The following AP3B1 variants were observed in gnomAD, a reference collection of about 807,000 sequenced individuals.
The protein encoded by AP3B1 is adaptor related protein complex 3 subunit beta 1.
In AP3B1, 61 loss-of-function variants were observed where a neutral mutation model predicts 132.5. That is an observed-to-expected ratio of 0.46 (90% CI 0.37 to 0.57). AP3B1 has a LOEUF of 0.57. AP3B1 is among the 20% of genes least tolerant of loss of function. The pLI is 0.00. For missense variants in AP3B1, 1,120 were observed against 1,289.4 expected (o/e 0.87, Z 2.01); for synonymous variants, 388 against 438.3 (o/e 0.89, Z 1.43).
intron 21 of AP3B1, among the ~76,000 whole-genome samples, chr5:78,096,231 TC>T (rs1750776852): frequency 6.6e-6 from 1 of 152,220 alleles, no homozygotes; most frequent in African/African-American, 2.4e-5. Flanking sequence ...CGGGCTGATC[TC>T]CAGCTCCTAA....
chr5:78,032,488 C>G (rs1386505207), intron 24 of AP3B1, among the ~76,000 whole-genome samples: 1 of 152,128 alleles, frequency 6.6e-6, no homozygotes, highest in Non-Finnish European at 1.5e-5. Context: ...CAGTGATTGG[C>G]ATCTAAGACC....
chr5:78,280,004 T>C (rs567420228), intron 1 of AP3B1, among the ~76,000 whole-genome samples: 237 of 143,574 alleles, frequency 1.7e-3, no homozygotes, highest in Middle Eastern at 3.9e-3. Flanking sequence ...GACCAGGAGG[T>C]TGAGGCTGCA....
chr5:78,110,129 T>C, intron 20 of AP3B1, 78 bp downstream of exon 20: 1 of 1,240,898 alleles, frequency 8.1e-7, no homozygotes, highest in Non-Finnish European at 1.2e-6. Flanking sequence ...ATCACAGGAG[T>C]AGATGAGGAT....
intron 22 of AP3B1, among the ~76,000 whole-genome samples, chr5:78,077,017 T>G (rs1256852439): frequency 6.6e-6 from 1 of 152,200 alleles, no homozygotes; most frequent in Non-Finnish European, 1.5e-5. Context: ...GGGAAATCCG[T>G]AAAGTTACAG....
intron 20 of AP3B1, among the ~76,000 whole-genome samples, chr5:78,104,509 G>T (rs1751254531): frequency 6.6e-6 from 1 of 152,042 alleles, no homozygotes; most frequent in Non-Finnish European, 1.5e-5. Context: ...GCAAGGCTTT[G>T]CATTATAACA....
chr5:78,070,916 T>C (rs1392852609), intron 22 of AP3B1, among the ~76,000 whole-genome samples: 1 of 152,182 alleles, frequency 6.6e-6, no homozygotes. Context: ...CGACAGATGC[T>C]GGCGAAGCTA....
At chr5:78,239,501 C>T (rs1747025929) in intron 3 of AP3B1, among the ~76,000 whole-genome samples, 1 of 144,188 alleles carries the variant, frequency 6.9e-6, no homozygotes, top group Non-Finnish European at 1.5e-5. Flanking sequence ...AAGCCAGGCA[C>T]GGTTGGTCAC....
chr5:78,120,161 C>A (rs932755390), intron 17 of AP3B1, among the ~76,000 whole-genome samples: 10 of 152,082 alleles, frequency 6.6e-5, no homozygotes, highest in Admixed American at 2.0e-4. Context: ...TGTCACCACC[C>A]GGCCTGCCCT....
intron 3 of AP3B1, among the ~76,000 whole-genome samples, chr5:78,240,220 T>G (rs990763391): frequency 6.6e-6 from 1 of 152,182 alleles, no homozygotes; most frequent in South Asian, 2.1e-4. Flanking sequence ...ATCTTTAATT[T>G]TATGGTGAGG....
At position 78,130,946 on chromosome 5, in the gene AP3B1, C is replaced by A. The variant is rs71634912; in HGVS notation, c.1651-1639G>T. On this transcript the variant is annotated intron_variant, in intron 15 of 26. Transcript: ENST00000255194. The stretch of plus-strand genomic sequence containing the variant: ...TAATTTTTAGGAAATTAAACATTTT[C>A]AATATGTTAACAATTTTGAAAGTTA... 2.3e-3 allele frequency among the ~76,000 whole-genome samples: 356 copies of A among 151,624 alleles called. 3 individuals are homozygous for A. Among genetic ancestry groups the A allele is most frequent in the Non-Finnish European group, 3.9e-3 (265 of 67,764 alleles).
intron 12 of AP3B1, among the ~76,000 whole-genome samples, chr5:78,165,079 T>TG (rs1242192888): frequency 1.3e-5 from 2 of 152,092 alleles, no homozygotes; most frequent in African/African-American, 2.4e-5. Context: ...AATAATATTT[T>TG]GGGGGGAAAT....
intron 2 of AP3B1, among the ~76,000 whole-genome samples, chr5:78,264,924 C>T (rs1238292201): frequency 6.6e-6 from 1 of 152,184 alleles, no homozygotes; most frequent in Non-Finnish European, 1.5e-5. Flanking sequence ...CATAGACCTG[C>T]ACTACCATGC....
chr5:78,268,518 G>A (rs1286453502), intron 1 of AP3B1, among the ~76,000 whole-genome samples: 3 of 152,100 alleles, frequency 2.0e-5, no homozygotes, highest in Non-Finnish European at 4.4e-5. Context: ...GTTCCCCAAA[G>A]TGTCCCATTA....
intron 25 of AP3B1, 173 bp from the exon 26 acceptor site, chr5:78,015,721 T>C: frequency 1.6e-6 from 1 of 631,100 alleles, no homozygotes. Context: ...TGTTTCGAAG[T>C]TTTTTAAAAT....
At chr5:78,239,538 C>A (rs1033849378) in intron 3 of AP3B1, among the ~76,000 whole-genome samples, 20 of 149,616 alleles carry the variant, frequency 1.3e-4, no homozygotes, top group African/African-American at 4.4e-4. Context: ...CTTTGGGAGG[C>A]TGAGGCAGGT....
chr5:78,130,388 G>C lies in AP3B1; in HGVS notation c.1651-1081C>G, dbSNP rs553598560. On this transcript the variant is annotated intron_variant, in intron 15 of 26. Transcript: ENST00000255194. ...AACAATAAGTCAAAGTACAGAAATG[G>C]TGTGGTAAACTCTTTTACAATAATT... is the stretch of plus-strand genomic sequence containing the variant. 1.4e-4 allele frequency among the ~76,000 whole-genome samples: 22 copies of C among 152,152 alleles called. No homozygotes were observed. In the South Asian group the frequency reaches 4.6e-3, roughly 31 times the overall value.
intron 2 of AP3B1, among the ~76,000 whole-genome samples, chr5:78,245,578 A>T (rs2112526840): frequency 6.6e-6 from 1 of 152,282 alleles, no homozygotes; most frequent in African/African-American, 2.4e-5. Flanking sequence ...TCCCAACATG[A>T]AGAAAGGAAG....
chr5:78,213,020 GGT>G (rs1196881452), intron 7 of AP3B1, among the ~76,000 whole-genome samples: 6 of 152,068 alleles, frequency 3.9e-5, no homozygotes, highest in South Asian at 2.1e-4. Context: ...TGGGACTACA[GGT>G]GCCCGCCACC....
intron 6 of AP3B1, among the ~76,000 whole-genome samples, chr5:78,218,627 C>A (rs1472073566): frequency 6.6e-6 from 1 of 152,014 alleles, no homozygotes; most frequent in Non-Finnish European, 1.5e-5. Context: ...TGAAAAAAAT[C>A]ACACTAAGCA....
Sources: allele counts gnomAD v4.1 joint callset (sites outside exome capture counted in the v4.1 genomes callset), GRCh38; gene constraint gnomAD v4.1.1; transcripts MANE v1.5; gene names NCBI Gene and HGNC (gene_info 2026-07-23, HGNC 2026-07-21).